The following AGMO variants were observed in gnomAD, a reference collection of about 807,000 sequenced individuals.
The protein encoded by AGMO is alkylglycerol monooxygenase.
AGMO carries 75 observed loss-of-function variants against 60.2 expected under a neutral mutation model. That is an observed-to-expected ratio of 1.25 (90% CI 1.03 to 1.51). The LOEUF is 1.51. Among genes scored for constraint, AGMO ranks in the 40% most tolerant of loss-of-function variants. The pLI is 0.00. For synonymous variants in AGMO, 261 were observed against 177.1 expected, an observed-to-expected ratio of 1.47 and a Z score of -3.76; for missense variants, 763 against 525.5, an observed-to-expected ratio of 1.45 and a Z score of -4.42.
intron 12 of AGMO, among the ~76,000 whole-genome samples, chr7:15,273,032 T>C (rs551077303): frequency 1.3e-5 from 2 of 152,326 alleles, no homozygotes; most frequent in South Asian, 2.1e-4. Context: ...TATTAGCCCT[T>C]TGTCAGATTA....
chr7:15,274,399 T>C (rs1783715821), intron 12 of AGMO, among the ~76,000 whole-genome samples: 1 of 152,220 alleles, frequency 6.6e-6, no homozygotes, highest in African/African-American at 2.4e-5. Context: ...TCTTTCGTTC[T>C]GTTTATATGC....
At chr7:15,499,907 G>GCGCACA (rs775376528) in intron 3 of AGMO, among the ~76,000 whole-genome samples, 4 of 137,732 alleles carry the variant, frequency 2.9e-5, no homozygotes, top group African/African-American at 7.9e-5. Context: ...TATGTATTAC[G>GCGCACA]CACACACACA....
chr7:15,500,393 T>C (rs895264983), intron 3 of AGMO, among the ~76,000 whole-genome samples: 1 of 151,814 alleles, frequency 6.6e-6, no homozygotes, highest in African/African-American at 2.4e-5. Context: ...AGGAACCAAA[T>C]TTCTCATTGT....
At chr7:15,349,047 T>C (rs1782135686) in intron 12 of AGMO, among the ~76,000 whole-genome samples, 1 of 152,128 alleles carries the variant, frequency 6.6e-6, no homozygotes, top group South Asian at 2.1e-4. Flanking sequence ...ACCTCAATGA[T>C]TTATAAGTAA....
intron 12 of AGMO, among the ~76,000 whole-genome samples, chr7:15,299,830 TAC>T (rs756832586): frequency 0.048 from 2,314 of 47,974 alleles, 20 homozygotes; most frequent in South Asian, 0.081. Flanking sequence ...TCTGTCTACA[TAC>T]ACACACACAC....
intron 2 of AGMO, among the ~76,000 whole-genome samples, chr7:15,548,491 A>G (rs1482584602): frequency 1.3e-5 from 2 of 151,994 alleles, no homozygotes; most frequent in Non-Finnish European, 2.9e-5. Context: ...GGAGCTGAAA[A>G]CCAAGGCTCG....
At chr7:15,130,454 C>G in the AGMO span, among the ~76,000 whole-genome samples, 3 of 152,028 alleles carry the variant, frequency 2.0e-5, no homozygotes, top group Non-Finnish European at 4.4e-5. Context: ...CCACTCCTCA[C>G]TCTCCACTCA....
chr7:15,493,083 C>T (rs73679635), intron 3 of AGMO, among the ~76,000 whole-genome samples: 9,044 of 152,070 alleles, frequency 0.059, 403 homozygotes, highest in African/African-American at 0.13. Flanking sequence ...CATGTGTAAA[C>T]ATTTTAAGGC....
intron 2 of AGMO, among the ~76,000 whole-genome samples, chr7:15,552,038 T>C (rs1157787992): frequency 6.6e-6 from 1 of 152,054 alleles, no homozygotes; most frequent in Non-Finnish European, 1.5e-5. Flanking sequence ...TATCTGATCT[T>C]TGACAAACCT....
In AGMO at chr7:15,524,990, C is replaced by T. The variant is rs560035916; in HGVS notation, c.409+19782G>A. On this transcript the variant is annotated intron_variant, in intron 3 of 12. Coordinates refer to ENST00000342526, the MANE Select transcript of AGMO (RefSeq NM_001004320.2). ...GGTGGAAACTAAAAATAAATCCTAA[C>T]CCCCACTGACTGAATGGATCTCTTC... Among the ~76,000 whole-genome samples the T allele has an allele frequency of 5.9e-5, 9 of 151,948 alleles. No homozygotes were observed. In the East Asian group the frequency reaches 1.7e-3, roughly 29 times the overall value.
At chr7:15,425,634 CT>C (rs1266507520) in intron 4 of AGMO, among the ~76,000 whole-genome samples, 19 of 151,932 alleles carry the variant, frequency 1.3e-4, no homozygotes, top group Admixed American at 2.6e-4. Flanking sequence ...GAGACAGCAT[CT>C]TGTGATATTG....
chr7:15,272,478 C>T (rs1482815995), intron 12 of AGMO, among the ~76,000 whole-genome samples: 9 of 151,960 alleles, frequency 5.9e-5, no homozygotes, highest in Non-Finnish European at 1.2e-4. Context: ...TTTATGGCTG[C>T]ATAGTATTCC....
At chr7:15,320,271 C>A (rs1248554140) in intron 12 of AGMO, among the ~76,000 whole-genome samples, 2 of 151,538 alleles carry the variant, frequency 1.3e-5, no homozygotes, top group Non-Finnish European at 2.9e-5. Flanking sequence ...TAAAAATATA[C>A]ACATAAAATA....
intron 4 of AGMO, among the ~76,000 whole-genome samples, chr7:15,427,899 A>G (rs1172859761): frequency 6.7e-6 from 1 of 150,042 alleles, no homozygotes; most frequent in Non-Finnish European, 1.5e-5. Flanking sequence ...TAATATGGTT[A>G]GAAATTCTAG....
chr7:15,133,626 G>A, the AGMO span, among the ~76,000 whole-genome samples: 5 of 152,032 alleles, frequency 3.3e-5, no homozygotes, highest in Non-Finnish European at 7.4e-5. Flanking sequence ...TTTTTTTGAA[G>A]TATAAAAGTG....
At chr7:15,192,542 C>T in the AGMO span, among the ~76,000 whole-genome samples, 3 of 152,056 alleles carry the variant, frequency 2.0e-5, no homozygotes, top group Non-Finnish European at 4.4e-5. Context: ...TTGCATTCAC[C>T]ATCCTTCAAG....
chr7:15,387,619 T>G (rs1007738352), intron 8 of AGMO, 79 bp from the exon 9 acceptor site: 1 of 1,319,408 alleles, frequency 7.6e-7, no homozygotes, highest in Non-Finnish European at 1.0e-6. Flanking sequence ...GTATATTATT[T>G]TATTGTTCAA....
chr7:15,171,699 A>G, the AGMO span, among the ~76,000 whole-genome samples: 3 of 152,334 alleles, frequency 2.0e-5, no homozygotes, highest in African/African-American at 7.2e-5. Context: ...GTCTAGTATT[A>G]TACCATGTGT....
chr7:15,140,884 A>T, the AGMO span, among the ~76,000 whole-genome samples: 1 of 151,992 alleles, frequency 6.6e-6, no homozygotes, highest in African/African-American at 2.4e-5. Context: ...CCTTAAACAA[A>T]CACCTGTTTC....
Sources: allele counts gnomAD v4.1 joint callset (sites outside exome capture counted in the v4.1 genomes callset), GRCh38; gene constraint gnomAD v4.1.1; transcripts MANE v1.5; gene names NCBI Gene and HGNC (gene_info 2026-07-23, HGNC 2026-07-21).